RAB3C: variants seen among roughly 807,000 people sequenced by gnomAD.
RAB3C encodes the protein RAB3C, member RAS oncogene family.
A neutral mutation model predicts 26.4 loss-of-function variants in RAB3C; 17 were observed. That is an observed-to-expected ratio of 0.64 (90% CI 0.44 to 0.97). The LOEUF (loss-of-function observed/expected upper bound fraction) is 0.97, where lower values mean the gene tolerates loss of function less well. Among genes scored for constraint, RAB3C ranks in the 50% least tolerant of loss-of-function variants. RAB3C has a pLI of 0.00. For synonymous variants in RAB3C, 91 were observed against 95.9 expected (o/e 0.95, Z 0.30); for missense variants, 242 against 281.9 (o/e 0.86, Z 1.01).
chr5:58,728,991 GCTATCT>G (rs1561302450), intron 3 of RAB3C, among the ~76,000 whole-genome samples: 1 of 151,734 alleles, frequency 6.6e-6, no homozygotes, highest in Non-Finnish European at 1.5e-5. Context: ...ACTTTTCAAG[GCTATCT>G]CTTTTACAAA....
chr5:58,716,328 T>G (rs1229864114), intron 2 of RAB3C, among the ~76,000 whole-genome samples: 1 of 151,972 alleles, frequency 6.6e-6, no homozygotes, highest in African/African-American at 2.4e-5. Context: ...TGAACAAAGG[T>G]TCAAAAGCGA....
intron 3 of RAB3C, among the ~76,000 whole-genome samples, chr5:58,783,220 C>T (rs2112004577): frequency 6.6e-6 from 1 of 152,144 alleles, no homozygotes; most frequent in African/African-American, 2.4e-5. Flanking sequence ...AAAGAAAATG[C>T]CCCATGAGAT....
chr5:58,776,191 A>C (rs1028320767), intron 3 of RAB3C, among the ~76,000 whole-genome samples: 8 of 152,104 alleles, frequency 5.3e-5, no homozygotes, highest in Admixed American at 5.2e-4. Flanking sequence ...TGCTTAATAG[A>C]CATTCTAAGC....
intron 1 of RAB3C, 38 bp from the exon 2 acceptor site, chr5:58,617,605 A>T (rs1236754358): frequency 1.4e-6 from 2 of 1,434,424 alleles, no homozygotes; most frequent in Non-Finnish European, 9.8e-7. Context: ...TCTGATCTAC[A>T]CCTATTTTGT....
intron 3 of RAB3C, among the ~76,000 whole-genome samples, chr5:58,809,084 G>A (rs1044277213): frequency 2.0e-5 from 3 of 152,126 alleles, no homozygotes; most frequent in Admixed American, 6.5e-5. Flanking sequence ...CAAAATTCAA[G>A]GATGTGACAT....
At chr5:58,701,289 C>G (rs1481413368) in intron 2 of RAB3C, among the ~76,000 whole-genome samples, 1 of 152,222 alleles carries the variant, frequency 6.6e-6, no homozygotes, top group Non-Finnish European at 1.5e-5. Context: ...GCGTGAGCTA[C>G]TGCGCCCGGC....
In RAB3C at chr5:58,597,762, T is replaced by TACG. The variant is rs1270093545; in HGVS notation, c.24+14531_24+14532insCGA. On this transcript the variant is annotated intron_variant, in intron 1 of 4. Coordinates refer to ENST00000282878, the MANE Select transcript of RAB3C (RefSeq NM_138453.4). ...ACATATAATACATTATATATAAGTATATAACATATAATACATTATATATAA... is the reference window on the plus strand; with the variant it reads ...ACATATAATACATTATATATAAGTATACGATAACATATAATACATTATATATAA... 2.4e-3 allele frequency among the ~76,000 whole-genome samples: 265 copies of TACG among 112,256 alleles called. 5 individuals carry two copies. Among genetic ancestry groups the TACG allele is most frequent in the African/African-American group, 9.2e-3 (240 of 26,056 alleles). The allele number at this position is 112,256 out of a possible 152,430, so 73.6% of individuals were successfully genotyped here.
rs1417373650 is a variant in RAB3C at position 58,859,002 on chromosome 5, T to C, written c.*7651T>C. On this transcript the variant is annotated 3_prime_UTR_variant, in exon 5 of 5. Transcript: ENST00000282878. Reference sequence around the variant, plus strand: ...AGCTCCATGTTTCCCATAAAGGGCATTGGAAATGCACAGATGAAGATCTTC... The same window carrying C: ...AGCTCCATGTTTCCCATAAAGGGCACTGGAAATGCACAGATGAAGATCTTC... 1 of 152,178 alleles carries C rather than the reference T, an allele frequency of 6.6e-6. No individual in the cohort carries two copies. The highest frequency in any genetic ancestry group is 2.4e-5 in the African/African-American group (1 of 41,448). The allele number at this position is 152,178 out of a possible 1,614,324, so 9.4% of individuals were successfully genotyped here. A position where few individuals can be genotyped will look rare whatever the true frequency, so the allele number is the denominator to read the frequency against.
intron 3 of RAB3C, among the ~76,000 whole-genome samples, chr5:58,734,055 T>C (rs1016597230): frequency 3.9e-5 from 6 of 152,146 alleles, no homozygotes; most frequent in African/African-American, 1.4e-4. Flanking sequence ...GGTAAGCAGA[T>C]TGATATTTTT....
chr5:58,732,933 A>G (rs1741057884), intron 3 of RAB3C, among the ~76,000 whole-genome samples: 1 of 152,058 alleles, frequency 6.6e-6, no homozygotes, highest in African/African-American at 2.4e-5. Context: ...TATTCCTTCA[A>G]CCTTCACCCA....
intron 3 of RAB3C, among the ~76,000 whole-genome samples, chr5:58,789,538 A>C (rs1425776508): frequency 6.6e-6 from 1 of 152,200 alleles, no homozygotes; most frequent in East Asian, 1.9e-4. Flanking sequence ...AGTCAATACT[A>C]TTCCCATTTT....
intron 1 of RAB3C, among the ~76,000 whole-genome samples, chr5:58,605,664 G>A (rs146625885): frequency 0.033 from 5,013 of 152,202 alleles, 143 homozygotes; most frequent in Middle Eastern, 0.048. Context: ...TTGGGAGGCC[G>A]AGGCAGGAGG....
At chr5:58,633,234 A>G (rs934055806) in intron 2 of RAB3C, among the ~76,000 whole-genome samples, 1 of 152,190 alleles carries the variant, frequency 6.6e-6, no homozygotes, top group African/African-American at 2.4e-5. Flanking sequence ...CATCCTGGAA[A>G]ACCATTGCTC....
At chr5:58,621,103 T>C (rs758136707) in intron 2 of RAB3C, among the ~76,000 whole-genome samples, 27 of 152,238 alleles carry the variant, frequency 1.8e-4, no homozygotes, top group Non-Finnish European at 3.5e-4. Context: ...TCTTCCCAAC[T>C]TATAGTATTT....
At chr5:58,831,126 C>G (rs1271871893) in intron 4 of RAB3C, among the ~76,000 whole-genome samples, 1 of 152,176 alleles carries the variant, frequency 6.6e-6, no homozygotes, top group African/African-American at 2.4e-5. Flanking sequence ...AATCCTCCCA[C>G]TCTACTTTAG....
chr5:58,597,069 A>T (rs796115984), intron 1 of RAB3C, among the ~76,000 whole-genome samples: 1 of 53,704 alleles, frequency 1.9e-5, no homozygotes, highest in Non-Finnish European at 2.8e-5. Context: ...CATAATATAT[A>T]TTATATAATA....
intron 3 of RAB3C, among the ~76,000 whole-genome samples, chr5:58,729,026 A>T (rs1172402344): frequency 6.6e-6 from 1 of 151,940 alleles, no homozygotes. Flanking sequence ...AGATTAAAAG[A>T]TATCTCTACC....
chr5:58,845,407 T>C (rs556139063), intron 4 of RAB3C, among the ~76,000 whole-genome samples: 10 of 151,860 alleles, frequency 6.6e-5, no homozygotes, highest in East Asian at 1.9e-4. Flanking sequence ...TTCATCTCCA[T>C]TGAGACCAGA....
chr5:58,765,605 C>A (rs1422229), intron 3 of RAB3C, among the ~76,000 whole-genome samples: 18,492 of 152,106 alleles, frequency 0.12, 1,393 homozygotes, highest in Non-Finnish European at 0.18. Flanking sequence ...TGTTTTGTAA[C>A]CTTATATTGT....
Sources: allele counts gnomAD v4.1 joint callset (sites outside exome capture counted in the v4.1 genomes callset), GRCh38; gene constraint gnomAD v4.1.1; transcripts MANE v1.5; gene names NCBI Gene and HGNC (gene_info 2026-07-23, HGNC 2026-07-21).